The following PCNT variants were observed in gnomAD, a reference collection of about 807,000 sequenced individuals.
PCNT encodes pericentrin.
A neutral mutation model predicts 380.4 loss-of-function variants in PCNT; 319 were observed. The ratio of observed to expected loss-of-function variants is 0.84; its 90% CI spans 0.77 to 0.92. PCNT has a LOEUF of 0.92. Among genes scored for constraint, PCNT ranks in the 40% least tolerant of loss-of-function variants. PCNT has a pLI of 0.00. For missense variants in PCNT, 4,400 were observed against 4,255.3 expected (o/e 1.03, Z -0.95); for synonymous variants, 1,845 against 1,735.2 (o/e 1.06, Z -1.57).
chr21:46,373,238 A>G (rs528818558), intron 15 of PCNT, among the ~76,000 whole-genome samples: 2 of 151,978 alleles, frequency 1.3e-5, no homozygotes, highest in African/African-American at 4.8e-5. Context: ...GCTGGTCTTA[A>G]ATTCCTGGCC....
chr21:46,419,845 ATCCTCCC>A, intron 31 of PCNT, among the ~76,000 whole-genome samples: 1 of 152,194 alleles, frequency 6.6e-6, no homozygotes, highest in South Asian at 2.1e-4. Context: ...TACTCAAGTC[ATCCTCCC>A]ACCTTAGCCT....
chr21:46,419,874 G>A (rs1019190065), intron 31 of PCNT, among the ~76,000 whole-genome samples: 2 of 152,198 alleles, frequency 1.3e-5, no homozygotes, highest in African/African-American at 2.4e-5. Context: ...CCAAAGTGCT[G>A]GGATTACAGG....
intron 15 of PCNT, among the ~76,000 whole-genome samples, chr21:46,377,470 A>G (rs1185600050): frequency 6.6e-6 from 1 of 152,226 alleles, no homozygotes; most frequent in East Asian, 1.9e-4. Flanking sequence ...AACTTTTGTC[A>G]GGCCTTTTTA....
At position 46,443,594 on chromosome 21, in the gene PCNT, G is replaced by A. The variant is rs532367670; in HGVS notation, c.9701-216G>A. On this transcript the variant is annotated intron_variant, in intron 44 of 46. Coordinates refer to ENST00000359568, the MANE Select transcript of PCNT (RefSeq NM_006031.6). ...AGACCCCCCTGCCCCGCACTCCCCC[G>A]GAGACGGGCTACCCCTGCAGATGCA... Among the ~76,000 whole-genome samples, 16 of 151,908 alleles carry A rather than the reference G, an allele frequency of 1.1e-4. 1 individual carries two copies. The South Asian group carries it at 2.9e-3, about 28-fold the overall frequency.
Position 46,390,771 on chromosome 21 carries a change from G to A in PCNT, c.3942G>A (p.Glu1314=). The stretch of plus-strand genomic sequence containing the variant: ...TCAGGAAGCACCAGGAGCTGCTGGA[G>A]TGTTTGAAGGAGGAGAGCGCAGCAA... ...QVVRKHQELL[E]CLKEESAAKA... is the part of the protein sequence containing the mutation. The change falls in exon 20 of 47, where the codon GAG becomes GAA. Residue 1314 remains glutamate (E), a synonymous_variant. Transcript: ENST00000359568. The A allele has an allele frequency of 2.5e-6, 4 of 1,613,166 alleles. 1 individual carries two copies. In the Middle Eastern group the frequency reaches 5.5e-4, roughly 223 times the overall value.
At chr21:46,372,408 A>G (rs2085182465) in intron 15 of PCNT, among the ~76,000 whole-genome samples, 1 of 147,842 alleles carries the variant, frequency 6.8e-6, no homozygotes, top group Admixed American at 6.6e-5. Context: ...ATGCACACAT[A>G]CACAGCACAT....
chr21:46,427,765 CG>C lies in PCNT; in HGVS notation c.7465del (p.Glu2489LysfsTer42). The C allele has an allele frequency of 6.2e-7, 1 of 1,613,632 alleles. No individual in the cohort carries two copies. Among genetic ancestry groups the C allele is most frequent in the Non-Finnish European group, 8.5e-7 (1 of 1,180,012 alleles). ...ATCTGGGGGGTCACAGCTCCCTGCT[CG>C]AAAGGCTGGAGAAGATCATCCGTGA... is the stretch of plus-strand genomic sequence containing the variant. ...SDLGGHSSLL[E>X]RLEKIIREQG... On this transcript the variant is annotated frameshift_variant, in exon 34 of 47. Coordinates refer to ENST00000359568, the MANE Select transcript of PCNT (RefSeq NM_006031.6). LOFTEE classifies it high-confidence loss of function.
chr21:46,441,502 G>A (rs985849668), intron 43 of PCNT, among the ~76,000 whole-genome samples: 82 of 152,188 alleles, frequency 5.4e-4, no homozygotes, highest in African/African-American at 2.0e-3. Flanking sequence ...TAGGAATCCC[G>A]CTCCTTTCAG....
At chr21:46,359,314 A>G (rs1485482393) in intron 13 of PCNT, among the ~76,000 whole-genome samples, 1 of 144,420 alleles carries the variant, frequency 6.9e-6, no homozygotes, top group East Asian at 1.9e-4. Context: ...TTACCTCCTT[A>G]TATCAATTAT....
At chr21:46,379,464 C>T (rs970926700) in intron 15 of PCNT, among the ~76,000 whole-genome samples, 20 of 152,248 alleles carry the variant, frequency 1.3e-4, no homozygotes, top group African/African-American at 4.8e-4. Context: ...ACTTGGAGTT[C>T]ATTGAGCTTG....
At chr21:46,342,356 C>T (rs1184322506) in intron 3 of PCNT, among the ~76,000 whole-genome samples, 2 of 152,102 alleles carry the variant, frequency 1.3e-5, no homozygotes, top group African/African-American at 4.8e-5. Context: ...ATCTGCCCCC[C>T]TCGCCCTCCC....
At chr21:46,372,891 G>A (rs931008294) in intron 15 of PCNT, among the ~76,000 whole-genome samples, 1 of 152,170 alleles carries the variant, frequency 6.6e-6, no homozygotes, top group Non-Finnish European at 1.5e-5. Context: ...ATTCTGTCTC[G>A]CTTTTCCAGG....
chr21:46,434,444 G>T (rs949813163), intron 38 of PCNT, among the ~76,000 whole-genome samples: 1 of 152,330 alleles, frequency 6.6e-6, no homozygotes, highest in East Asian at 1.9e-4. Flanking sequence ...ACGGCAAGCC[G>T]CCTCTGTGTG....
At position 46,430,563 on chromosome 21, in the gene PCNT, G is replaced by A; in HGVS notation, c.7970G>A (p.Ser2657Asn). Residue 2657 changes from serine (S) to asparagine (N), a missense_variant, in exon 37 of 47, where the codon AGT (serine) becomes AAT (asparagine). Coordinates refer to ENST00000359568, the MANE Select transcript of PCNT (RefSeq NM_006031.6). Reference protein sequence around the residue: ...ELKAALQELESEQGKGRALQS... With the variant: ...ELKAALQELENEQGKGRALQS... ...AAGGCCGCGCTTCAGGAGCTGGAGA[G>A]TGAGCAGGGGAAGGGGCGTGCCCTG... 1 of 1,559,102 alleles carries A rather than the reference G, an allele frequency of 6.4e-7. No individual in the cohort carries two copies. Among genetic ancestry groups the A allele is most frequent in the Non-Finnish European group, 8.7e-7 (1 of 1,151,934 alleles).
At chr21:46,444,050 C>A in intron 45 of PCNT, 102 bp downstream of exon 45, 8 of 1,282,892 alleles carry the variant, frequency 6.2e-6, no homozygotes, top group Non-Finnish European at 8.6e-6. Flanking sequence ...TTGGCCCAGC[C>A]CAGGGCAAGG....
chr21:46,430,493 A>G lies in PCNT; in HGVS notation c.7914-14A>G. The G allele has an allele frequency of 6.5e-7, 1 of 1,550,074 alleles. No homozygotes were observed. Among genetic ancestry groups the G allele is most frequent in the Non-Finnish European group, 8.7e-7 (1 of 1,147,148 alleles). ...GCCCACGTGGTCAGATTGTTCTGCG[A>G]TGTCTCCACGCAGATCCATGCTGAG... On this transcript the variant is annotated splice_polypyrimidine_tract_variant and intron_variant, in intron 36 of 46. Coordinates refer to ENST00000359568, the MANE Select transcript of PCNT (RefSeq NM_006031.6).
intron 32 of PCNT, among the ~76,000 whole-genome samples, chr21:46,422,847 T>A (rs1047789401): frequency 2.3e-4 from 35 of 152,246 alleles, no homozygotes; most frequent in Non-Finnish European, 4.3e-4. Context: ...TCCCGTTGTC[T>A]CAGAGGGCCC....
intron 27 of PCNT, among the ~76,000 whole-genome samples, chr21:46,405,567 C>T (rs908816181): frequency 3.3e-5 from 5 of 152,046 alleles, no homozygotes; most frequent in Admixed American, 6.5e-5. Flanking sequence ...GCCTGGTGGC[C>T]GGTGCCTCTA....
intron 21 of PCNT, among the ~76,000 whole-genome samples, chr21:46,393,303 A>C (rs2086096902): frequency 6.6e-6 from 1 of 152,288 alleles, no homozygotes; most frequent in East Asian, 1.9e-4. Flanking sequence ...GTTTTCCTGC[A>C]TCTCCTCAGG....
Sources: gnomAD v4.1 joint callset for allele counts (sites outside exome capture counted in the v4.1 genomes callset) on GRCh38, gnomAD v4.1.1 for gene constraint, MANE v1.5 for transcripts, NCBI Gene and HGNC (gene_info 2026-07-23, HGNC 2026-07-21) for gene names.